The following PRELID2 variants were observed in gnomAD, a reference collection of about 807,000 sequenced individuals.
PRELID2 encodes PRELI domain containing 2.
A neutral mutation model predicts 28.4 loss-of-function variants in PRELID2; 25 were observed. The ratio of observed to expected loss-of-function variants is 0.88; its 90% CI spans 0.64 to 1.23. PRELID2 has a LOEUF of 1.23. Among genes scored for constraint, PRELID2 ranks in the 50% most tolerant of loss-of-function variants. The pLI, the probability that PRELID2 is intolerant of heterozygous loss-of-function variation, is 0.00. For synonymous variants in PRELID2, 76 were observed against 71.6 expected (o/e 1.06, Z -0.31); for missense variants, 201 against 214.4 (o/e 0.94, Z 0.39).
At chr5:145,446,354 A>G in the PRELID2 span, among the ~76,000 whole-genome samples, 2 of 152,086 alleles carry the variant, frequency 1.3e-5, no homozygotes, top group African/African-American at 4.8e-5. Context: ...AAAAAAAGTG[A>G]CGGGTTGGGG....
At chr5:145,426,597 G>A in the PRELID2 span, among the ~76,000 whole-genome samples, 1 of 152,042 alleles carries the variant, frequency 6.6e-6, no homozygotes, top group Non-Finnish European at 1.5e-5. Flanking sequence ...TATATGTCAG[G>A]CAGACTCCTA....
intron 1 of PRELID2, among the ~76,000 whole-genome samples, chr5:145,499,964 A>G (rs1316250516): frequency 1.3e-5 from 2 of 152,204 alleles, no homozygotes; most frequent in African/African-American, 4.8e-5. Flanking sequence ...ATCTTGGATT[A>G]AGAGCTGTCA....
chr5:145,296,575 T>C, the PRELID2 span, among the ~76,000 whole-genome samples: 1 of 152,228 alleles, frequency 6.6e-6, no homozygotes, highest in Admixed American at 6.5e-5. Context: ...CCACATTTTC[T>C]TAATCCAGTC....
At chr5:145,316,151 G>T in the PRELID2 span, among the ~76,000 whole-genome samples, 1 of 152,124 alleles carries the variant, frequency 6.6e-6, no homozygotes, top group African/African-American at 2.4e-5. Flanking sequence ...ACAAATAAGG[G>T]TCTGTATATT....
chr5:145,337,512 A>G, the PRELID2 span, among the ~76,000 whole-genome samples: 1 of 151,554 alleles, frequency 6.6e-6, no homozygotes, highest in Non-Finnish European at 1.5e-5. Flanking sequence ...TTCAGGTTAT[A>G]ACTTGTGCTT....
intron 1 of PRELID2, among the ~76,000 whole-genome samples, chr5:145,649,949 G>A (rs1754260945): frequency 6.6e-6 from 1 of 151,980 alleles, no homozygotes; most frequent in South Asian, 2.1e-4. Flanking sequence ...CTTCTACGGA[G>A]GAAATATTTT....
At chr5:145,527,015 G>T (rs1317381547) in intron 1 of PRELID2, among the ~76,000 whole-genome samples, 3 of 152,180 alleles carry the variant, frequency 2.0e-5, no homozygotes, top group Non-Finnish European at 4.4e-5. Flanking sequence ...AGATGGTGCA[G>T]CCAGGGCTAC....
the PRELID2 span, among the ~76,000 whole-genome samples, chr5:145,388,464 G>T: frequency 6.6e-6 from 1 of 151,896 alleles, no homozygotes; most frequent in Non-Finnish European, 1.5e-5. Flanking sequence ...CATCAATTGG[G>T]CCCACTTTAC....
chr5:145,650,298 T>G (rs1754266216), intron 1 of PRELID2, among the ~76,000 whole-genome samples: 1 of 151,882 alleles, frequency 6.6e-6, no homozygotes, highest in African/African-American at 2.4e-5. Context: ...AGGAGACGAG[T>G]AGCACTGAAT....
chr5:145,496,836 C>A (rs1330273555), intron 1 of PRELID2, among the ~76,000 whole-genome samples: 1 of 152,030 alleles, frequency 6.6e-6, no homozygotes, highest in African/African-American at 2.4e-5. Context: ...GCTTTTCATG[C>A]TTTTCAGACC....
downstream of PRELID2, among the ~76,000 whole-genome samples, chr5:145,753,752 T>C (rs1757185759): frequency 6.6e-6 from 1 of 152,156 alleles, no homozygotes; most frequent in African/African-American, 2.4e-5. Context: ...GACCCTGGCA[T>C]CGGTGTTTTT....
chr5:145,527,111 G>C (rs1460895920), intron 1 of PRELID2, among the ~76,000 whole-genome samples: 2 of 152,180 alleles, frequency 1.3e-5, no homozygotes, highest in Non-Finnish European at 2.9e-5. Context: ...AATCTAGATA[G>C]GTATTGGTGG....
chr5:145,367,002 A>C, the PRELID2 span, among the ~76,000 whole-genome samples: 2 of 151,154 alleles, frequency 1.3e-5, no homozygotes, highest in Non-Finnish European at 2.9e-5. Flanking sequence ...GGCCATACAT[A>C]ATCAGGTTTC....
At chr5:145,330,214 G>A in the PRELID2 span, among the ~76,000 whole-genome samples, 2 of 152,228 alleles carry the variant, frequency 1.3e-5, no homozygotes, top group African/African-American at 4.8e-5. Flanking sequence ...TGTTCATCAG[G>A]AATATTGACC....
At chr5:145,542,508 A>C (rs1238367296) in intron 1 of PRELID2, among the ~76,000 whole-genome samples, 4 of 152,130 alleles carry the variant, frequency 2.6e-5, no homozygotes, top group Non-Finnish European at 4.4e-5. Context: ...ATGGTACTTC[A>C]CTATTGGGAG....
At chr5:145,724,600 AATATATATATATAT>A (rs59677300) in intron 1 of PRELID2, among the ~76,000 whole-genome samples, 2,097 of 24,646 alleles carry the variant, frequency 0.085, 155 homozygotes, top group African/African-American at 0.2. Context: ...GAAGTAAATA[AATATATATATATAT>A]ATATATATAT....
the PRELID2 span, among the ~76,000 whole-genome samples, chr5:145,325,731 C>CT: frequency 6.6e-6 from 1 of 152,162 alleles, no homozygotes; most frequent in Non-Finnish European, 1.5e-5. Context: ...CCTGCCTCTA[C>CT]AGTGATGAAT....
the PRELID2 span, among the ~76,000 whole-genome samples, chr5:145,377,871 T>C: frequency 0.23 from 35,291 of 152,062 alleles, 4,488 homozygotes; most frequent in South Asian, 0.34. Flanking sequence ...AGTATTGATA[T>C]GTGTGGATTT....
chr5:145,576,241 A>G (rs1753059290), intron 1 of PRELID2, among the ~76,000 whole-genome samples: 1 of 152,096 alleles, frequency 6.6e-6, no homozygotes, highest in African/African-American at 2.4e-5. Context: ...ATCACCCCAA[A>G]AAGAAACCCC....
Sources: allele counts gnomAD v4.1 joint callset (sites outside exome capture counted in the v4.1 genomes callset), GRCh38; gene constraint gnomAD v4.1.1; transcripts MANE v1.5; gene names NCBI Gene and HGNC (gene_info 2026-07-23, HGNC 2026-07-21).